NCOA1: variants seen among roughly 807,000 people sequenced by gnomAD.
The protein encoded by NCOA1 is Hin-2 protein.
NCOA1 carries 35 observed loss-of-function variants against 150.9 expected under a neutral mutation model. The ratio of observed to expected loss-of-function variants is 0.23; its 90% CI spans 0.18 to 0.31. The LOEUF (loss-of-function observed/expected upper bound fraction) is 0.31, where lower values mean the gene tolerates loss of function less well. Among genes scored for constraint, NCOA1 ranks in the 10% least tolerant of loss-of-function variants. The pLI is 1.00. For synonymous variants in NCOA1, 590 were observed against 630.0 expected, an observed-to-expected ratio of 0.94 and a Z score of 0.95; for missense variants, 1,491 against 1,749.3, an observed-to-expected ratio of 0.85 and a Z score of 2.63.
intron 1 of NCOA1, among the ~76,000 whole-genome samples, chr2:24,547,921 G>A (rs368420040): frequency 6.8e-6 from 1 of 147,288 alleles, no homozygotes; most frequent in African/African-American, 2.5e-5. Context: ...CCTGGGAGAC[G>A]GAGCTTGCAG....
intron 18 of NCOA1, among the ~76,000 whole-genome samples, chr2:24,739,970 C>T (rs1558329573): frequency 6.9e-6 from 1 of 145,020 alleles, no homozygotes; most frequent in African/African-American, 2.5e-5. Context: ...TTTTAAATCC[C>T]TTTTTTTTTT....
chr2:24,563,684 A>G (rs1195732028), intron 1 of NCOA1, among the ~76,000 whole-genome samples: 1 of 152,010 alleles, frequency 6.6e-6, no homozygotes, highest in Non-Finnish European at 1.5e-5. Context: ...AGCCCAGCTA[A>G]TTTTTGTAAT....
intron 10 of NCOA1, among the ~76,000 whole-genome samples, chr2:24,696,271 T>C (rs1672895300): frequency 6.6e-6 from 1 of 152,120 alleles, no homozygotes; most frequent in Admixed American, 6.6e-5. Flanking sequence ...AAATGAGATA[T>C]ATAAAGAGGG....
Position 24,673,391 on chromosome 2 carries a change from A to G in NCOA1, c.282A>G (p.Val94=), listed in dbSNP as rs1415287601. 6.3e-7 allele frequency: 1 copy of G among 1,580,194 alleles called. No homozygotes were observed. The highest frequency in any genetic ancestry group is 1.8e-5 in the Admixed American group (1 of 54,108). ...EQEKSTTDDD[V]QKSDISSSSQ... ...AGAAATCAACAACTGATGACGATGT[A>G]CAGAAATCAGACATCTCATCAAGTA... Residue 94 remains valine, a synonymous_variant, in exon 7 of 23, where the codon GTA becomes GTG. Coordinates refer to ENST00000348332, the MANE Select transcript of NCOA1 (RefSeq NM_003743.5).
intron 17 of NCOA1, among the ~76,000 whole-genome samples, chr2:24,733,605 A>G (rs1416000526): frequency 6.6e-6 from 1 of 152,134 alleles, no homozygotes; most frequent in Admixed American, 6.6e-5. Context: ...TTAGCTGGGC[A>G]TGGTGGTGCA....
At chr2:24,704,200 C>T (rs1241243786) in intron 11 of NCOA1, among the ~76,000 whole-genome samples, 3 of 152,104 alleles carry the variant, frequency 2.0e-5, no homozygotes, top group Admixed American at 6.5e-5. Context: ...ACAGATTTTA[C>T]ACATATTTAT....
At chr2:24,670,297 T>C (rs1671622813) in intron 6 of NCOA1, among the ~76,000 whole-genome samples, 1 of 152,210 alleles carries the variant, frequency 6.6e-6, no homozygotes, top group South Asian at 2.1e-4. Flanking sequence ...CTAGCTATCA[T>C]ATGACCCAAT....
At chr2:24,689,219 A>C (rs1224425004) in intron 8 of NCOA1, among the ~76,000 whole-genome samples, 1 of 152,158 alleles carries the variant, frequency 6.6e-6, no homozygotes, top group Non-Finnish European at 1.5e-5. Flanking sequence ...TTTTGGTTCC[A>C]TATGAATTTT....
At chr2:24,676,669 G>T (rs1040320403) in intron 7 of NCOA1, among the ~76,000 whole-genome samples, 4 of 152,272 alleles carry the variant, frequency 2.6e-5, no homozygotes, top group East Asian at 3.9e-4. Context: ...AATCTGGATG[G>T]CAACAAAGAT....
chr2:24,658,905 C>G (rs1245123746), intron 5 of NCOA1, 139 bp downstream of exon 5: 7 of 736,690 alleles, frequency 9.5e-6, no homozygotes, highest in African/African-American at 1.8e-5. Context: ...TCTTCCTTCC[C>G]CCAGGGTCTT....
At chr2:24,727,002 G>A (rs546273293) in intron 15 of NCOA1, among the ~76,000 whole-genome samples, 104 of 151,908 alleles carry the variant, frequency 6.8e-4, no homozygotes, top group African/African-American at 2.3e-3. Context: ...GCCAGGCGTG[G>A]TGGTGCGCAG....
chr2:24,554,088 C>CT (rs1051295651), intron 1 of NCOA1, among the ~76,000 whole-genome samples: 1 of 152,048 alleles, frequency 6.6e-6, no homozygotes, highest in Non-Finnish European at 1.5e-5. Context: ...TGGCTTCTCT[C>CT]TTTTTTTGAT....
chr2:24,764,346 G>A (rs1285554831), intron 22 of NCOA1, among the ~76,000 whole-genome samples: 2 of 152,176 alleles, frequency 1.3e-5, no homozygotes, highest in Admixed American at 1.3e-4. Flanking sequence ...TAAAACCAAA[G>A]AAGGCAAATT....
chr2:24,511,143 T>C (rs1312209543), intron 1 of NCOA1, among the ~76,000 whole-genome samples: 2 of 152,252 alleles, frequency 1.3e-5, no homozygotes, highest in Non-Finnish European at 2.9e-5. Context: ...GTAATGTTTT[T>C]GAGGTTCATC....
chr2:24,742,237 G>A (rs776410515), intron 19 of NCOA1, 51 bp downstream of exon 19: 13 of 1,535,316 alleles, frequency 8.5e-6, no homozygotes, highest in Non-Finnish European at 1.1e-5. Flanking sequence ...ACAGGCTTAG[G>A]TCTCTCTCCA....
chr2:24,662,047 A>C (rs1671207439), intron 5 of NCOA1, among the ~76,000 whole-genome samples: 2 of 152,244 alleles, frequency 1.3e-5, no homozygotes, highest in Admixed American at 1.3e-4. Flanking sequence ...TTCAGCTTTA[A>C]CAAAACAATG....
intron 19 of NCOA1, among the ~76,000 whole-genome samples, chr2:24,748,394 A>G (rs1664048965): frequency 6.6e-6 from 1 of 152,042 alleles, no homozygotes; most frequent in Non-Finnish European, 1.5e-5. Context: ...GGCGGATCAC[A>G]AGGTCAGGAG....
At chr2:24,639,888 A>C (rs1442054680) in intron 3 of NCOA1, among the ~76,000 whole-genome samples, 2 of 106,056 alleles carry the variant, frequency 1.9e-5, no homozygotes, top group Non-Finnish European at 1.9e-5. Context: ...ACTCTGTCTC[A>C]AAAAAAAAAA....
intron 18 of NCOA1, among the ~76,000 whole-genome samples, chr2:24,740,119 A>G (rs1253368895): frequency 1.3e-5 from 2 of 152,196 alleles, no homozygotes; most frequent in Non-Finnish European, 2.9e-5. Context: ...TTATTTCATA[A>G]CAAAGTTGAT....
Sources: gnomAD v4.1 joint callset for allele counts (sites outside exome capture counted in the v4.1 genomes callset) on GRCh38, gnomAD v4.1.1 for gene constraint, MANE v1.5 for transcripts, NCBI Gene and HGNC (gene_info 2026-07-23, HGNC 2026-07-21) for gene names.